NGEF: variants seen among roughly 807,000 people sequenced by gnomAD.
NGEF encodes neuronal guanine nucleotide exchange factor, also known as ephexin-1.
In NGEF, 31 loss-of-function variants were observed where a neutral mutation model predicts 80.9. The ratio of observed to expected loss-of-function variants is 0.38; its 90% confidence interval spans 0.29 to 0.52. The LOEUF is 0.52. NGEF is among the 20% of genes least tolerant of loss of function. The pLI is 0.84. For synonymous variants in NGEF, 371 were observed against 370.2 expected (o/e 1.00, Z -0.03); for missense variants, 709 against 926.2 (o/e 0.77, Z 3.04).
At chr2:232,927,724 G>A (rs910866419) in intron 3 of NGEF, among the ~76,000 whole-genome samples, 4 of 151,990 alleles carry the variant, frequency 2.6e-5, no homozygotes, top group Admixed American at 1.3e-4. Flanking sequence ...ACACCCACCC[G>A]ATGGGGTGCG....
intron 8 of NGEF, among the ~76,000 whole-genome samples, 166 bp from the exon 9 acceptor site, chr2:232,888,273 CAT>C (rs1458069206): frequency 2.6e-5 from 4 of 151,456 alleles, no homozygotes; most frequent in Non-Finnish European, 5.9e-5. Context: ...TGCACACATG[CAT>C]ACAGACCTGC....
intron 1 of NGEF, among the ~76,000 whole-genome samples, chr2:232,977,568 A>G (rs1009838913): frequency 2.0e-5 from 3 of 152,206 alleles, no homozygotes; most frequent in Admixed American, 1.3e-4. Context: ...AAACCCTTGC[A>G]TTGAGGCTGC....
At chr2:232,961,016 G>A (rs927569537) in intron 3 of NGEF, among the ~76,000 whole-genome samples, 15 of 152,078 alleles carry the variant, frequency 9.9e-5, no homozygotes, top group African/African-American at 1.7e-4. Flanking sequence ...TCCTCCTGCC[G>A]TGCTGCCCAG....
rs1694037733 is a variant in NGEF at position 232,965,454 on chromosome 2, G to A, written c.383+4760C>T. On this transcript the variant is annotated intron_variant, in intron 3 of 14. Coordinates refer to ENST00000264051, the MANE Select transcript of NGEF (RefSeq NM_019850.3). ...GACACAGAGATGTGGGCAAGAGCAGGGATTCAGTTATGTGGATGACAGACC... is the reference window on the plus strand; with the variant it reads ...GACACAGAGATGTGGGCAAGAGCAGAGATTCAGTTATGTGGATGACAGACC... Among the ~76,000 whole-genome samples, 5 of 152,096 alleles carry A rather than the reference G, an allele frequency of 3.3e-5. No homozygotes were observed. In the South Asian group the frequency reaches 1.0e-3, roughly 32 times the overall value.
At chr2:232,946,450 A>G (rs1415723287) in intron 3 of NGEF, among the ~76,000 whole-genome samples, 2 of 152,246 alleles carry the variant, frequency 1.3e-5, no homozygotes, top group Non-Finnish European at 2.9e-5. Context: ...AATTTTCAAA[A>G]AAAGAAAAGT....
intron 3 of NGEF, among the ~76,000 whole-genome samples, chr2:232,966,284 T>G (rs11684260): frequency 0.35 from 53,002 of 152,006 alleles, 10,425 homozygotes; most frequent in African/African-American, 0.53. Context: ...CTCTTAAGCC[T>G]CGACTCCAGC....
chr2:232,880,919 G>A (rs56009850), intron 14 of NGEF, among the ~76,000 whole-genome samples: 2 of 152,196 alleles, frequency 1.3e-5, no homozygotes, highest in Non-Finnish European at 2.9e-5. Flanking sequence ...GGGGTCTCCC[G>A]GCTCTAGGGG....
intron 1 of NGEF, among the ~76,000 whole-genome samples, chr2:232,994,136 G>A (rs1051475902): frequency 1.2e-4 from 19 of 152,140 alleles, no homozygotes; most frequent in Non-Finnish European, 2.9e-5. Flanking sequence ...TTGGGAGGCC[G>A]AATTGGGTGG....
chr2:232,979,038 G>A (rs1694354302), intron 1 of NGEF, among the ~76,000 whole-genome samples: 1 of 152,268 alleles, frequency 6.6e-6, no homozygotes, highest in Non-Finnish European at 1.5e-5. Context: ...GGGATGCAAC[G>A]ACGCCCACAC....
intron 3 of NGEF, among the ~76,000 whole-genome samples, chr2:232,932,163 C>CT (rs397988249): frequency 0.29 from 33,131 of 114,922 alleles, 5,456 homozygotes; most frequent in Non-Finnish European, 0.32. Context: ...AATCACCTTT[C>CT]TTTTTTTTTT....
intron 3 of NGEF, among the ~76,000 whole-genome samples, chr2:232,931,127 C>T (rs1574619849): frequency 1.3e-5 from 2 of 152,110 alleles, no homozygotes; most frequent in African/African-American, 4.8e-5. Context: ...AGGAAGAGAA[C>T]AGGAAAGAGG....
chr2:232,986,450 C>T (rs147883138), intron 1 of NGEF, among the ~76,000 whole-genome samples: 16 of 152,318 alleles, frequency 1.1e-4, no homozygotes, highest in African/African-American at 3.8e-4. Flanking sequence ...GTGGAATCAA[C>T]CCATATGTCC....
chr2:232,979,729 G>A (rs1694370757), intron 1 of NGEF, among the ~76,000 whole-genome samples: 1 of 152,120 alleles, frequency 6.6e-6, no homozygotes, highest in Non-Finnish European at 1.5e-5. Flanking sequence ...GCTGGCATGG[G>A]ACTCACGTCT....
intron 1 of NGEF, among the ~76,000 whole-genome samples, chr2:233,006,059 C>T (rs574567120): frequency 2.6e-4 from 40 of 152,288 alleles, no homozygotes; most frequent in Admixed American, 1.7e-3. Context: ...TCAAGTGATC[C>T]GCCCACCTTG....
At chr2:232,934,241 C>CAA (rs11329977) in intron 3 of NGEF, among the ~76,000 whole-genome samples, 6 of 98,828 alleles carry the variant, frequency 6.1e-5, no homozygotes, top group East Asian at 3.0e-4. Flanking sequence ...GACTGCATCT[C>CAA]AAAAAAAAAA....
At chr2:232,900,008 T>C (rs1288248265) in intron 5 of NGEF, among the ~76,000 whole-genome samples, 1 of 123,860 alleles carries the variant, frequency 8.1e-6, no homozygotes, top group Non-Finnish European at 1.6e-5. Context: ...GCTCTCACAG[T>C]CACTCATATA....
chr2:232,923,379 G>A (rs970014004), intron 4 of NGEF, among the ~76,000 whole-genome samples: 1 of 152,150 alleles, frequency 6.6e-6, no homozygotes, highest in Admixed American at 6.5e-5. Flanking sequence ...GGCAGAGGAG[G>A]GCTTCTGTTT....
At chr2:232,923,548 C>A (rs1264027586) in intron 4 of NGEF, among the ~76,000 whole-genome samples, 3 of 151,980 alleles carry the variant, frequency 2.0e-5, no homozygotes, top group African/African-American at 7.3e-5. Context: ...CCAGCCTGGG[C>A]AACATGGGGA....
Position 232,969,448 on chromosome 2 carries a change from C to CCCCT in NGEF, c.383+765_383+766insAGGG, listed in dbSNP as rs1553555880. ...CTATCTCTCCCTCCCTCCCTCCCTC[C>CCCCT]CCTTCCTTCCTTCCTTCCTTCCTTC... On this transcript the variant is annotated intron_variant, in intron 3 of 14. Transcript: ENST00000264051. Among the ~76,000 whole-genome samples, 6 of 51,344 alleles carry CCCCT rather than the reference C, an allele frequency of 1.2e-4. 1 individual carries two copies. Among genetic ancestry groups the CCCCT allele is most frequent in the African/African-American group, 4.9e-4 (4 of 8,228 alleles). 33.7% of individuals were successfully genotyped at this position (51,344 alleles called of 152,430 possible).
Sources: gnomAD v4.1 joint callset for allele counts (sites outside exome capture counted in the v4.1 genomes callset) on GRCh38, gnomAD v4.1.1 for gene constraint, MANE v1.5 for transcripts, NCBI Gene and HGNC (gene_info 2026-07-23, HGNC 2026-07-21) for gene names.